The following POU2F3 variants were observed in gnomAD, a reference collection of about 807,000 sequenced individuals.
POU2F3 encodes the protein POU class 2 homeobox 3, also known as POU domain, class 2, transcription factor 3.
POU2F3 carries 23 observed loss-of-function variants against 59.2 expected under a neutral mutation model. The observed-to-expected ratio is 0.39, with a 90% CI of 0.28 to 0.55. POU2F3 has a LOEUF of 0.55. POU2F3 is among the 20% of genes least tolerant of loss of function. The probability of loss-of-function intolerance (pLI) is 0.66; values close to 1 mark genes in which losing one functional copy is unlikely to be tolerated. For missense variants in POU2F3, 473 were observed against 544.5 expected, an observed-to-expected ratio of 0.87 and a Z score of 1.31; for synonymous variants, 190 against 214.6, an observed-to-expected ratio of 0.89 and a Z score of 1.00.
chr11:120,241,778 A>C (rs894442556), intron 1 of POU2F3, among the ~76,000 whole-genome samples: 1 of 152,022 alleles, frequency 6.6e-6, no homozygotes, highest in Non-Finnish European at 1.5e-5. Context: ...CTCCTTGTCT[A>C]CTGGAGGCTC....
At position 120,306,185 on chromosome 11, in the gene POU2F3, G is replaced by T. The variant is rs187665254; in HGVS notation, c.769+400G>T. Among the ~76,000 whole-genome samples, 466 of 152,310 alleles carry T rather than the reference G, an allele frequency of 3.1e-3. 3 individuals carry two copies. Among genetic ancestry groups the T allele is most frequent in the African/African-American group, 9.5e-3 (396 of 41,548 alleles). ...TGGGGCCTCTAGGGTCTCACTGGGA[G>T]GGGGAGACCACAGGCACGACACAGG... On this transcript the variant is annotated intron_variant, in intron 8 of 12. Coordinates refer to ENST00000543440, the MANE Select transcript of POU2F3 (RefSeq NM_014352.4).
At chr11:120,259,100 TC>T (rs1939487303) in intron 2 of POU2F3, 1 of 152,350 alleles carries the variant, frequency 6.6e-6, no homozygotes, top group Non-Finnish European at 1.5e-5. Context: ...GGCCCTAGCC[TC>T]CTGGTATCTG....
At chr11:120,252,476 G>A (rs1367693336) in intron 2 of POU2F3, among the ~76,000 whole-genome samples, 1 of 152,146 alleles carries the variant, frequency 6.6e-6, no homozygotes, top group Non-Finnish European at 1.5e-5. Flanking sequence ...CCAAAGTGCT[G>A]GGATTACAGG....
intron 8 of POU2F3, among the ~76,000 whole-genome samples, chr11:120,306,754 A>G (rs1365392833): frequency 6.6e-6 from 1 of 152,144 alleles, no homozygotes; most frequent in African/African-American, 2.4e-5. Flanking sequence ...CAGGGCTGTT[A>G]CTCATACGGA....
At chr11:120,274,578 G>A (rs1284941465) in intron 3 of POU2F3, among the ~76,000 whole-genome samples, 4 of 152,278 alleles carry the variant, frequency 2.6e-5, no homozygotes, top group South Asian at 2.1e-4. Context: ...GACAGGAGGT[G>A]GAACAAACTT....
At position 120,243,164 on chromosome 11, in the gene POU2F3, T is replaced by C. The variant is rs550160435; in HGVS notation, c.28+2793T>C. On this transcript the variant is annotated intron_variant, in intron 1 of 12. Coordinates refer to ENST00000543440, the MANE Select transcript of POU2F3 (RefSeq NM_014352.4). ...TCTGGCGGAGAGTTGGAGCCTTGGC[T>C]AGCTCAGAAGTGGGGCCGGTGGGTC... Among the ~76,000 whole-genome samples, 69 of 152,286 alleles carry C rather than the reference T, an allele frequency of 4.5e-4. 1 individual carries two copies. In the South Asian group the frequency reaches 0.013, roughly 29 times the overall value.
chr11:120,302,428 C>T, intron 6 of POU2F3, 60 bp downstream of exon 6: 2 of 1,490,604 alleles, frequency 1.3e-6, no homozygotes, highest in Non-Finnish European at 1.9e-6. Flanking sequence ...CTGAGTTTAA[C>T]TCACTGGTTT....
chr11:120,315,029 C>T (rs1255549359), intron 10 of POU2F3, among the ~76,000 whole-genome samples: 1 of 152,236 alleles, frequency 6.6e-6, no homozygotes, highest in Non-Finnish European at 1.5e-5. Flanking sequence ...GCCCAAGAGG[C>T]TTGTCTTGCT....
At chr11:120,248,332 G>C (rs1938953181) in intron 2 of POU2F3, among the ~76,000 whole-genome samples, 1 of 152,164 alleles carries the variant, frequency 6.6e-6, no homozygotes, top group Admixed American at 6.5e-5. Flanking sequence ...CTGCTTACTG[G>C]CTGCATGACC....
chr11:120,300,766 A>G (rs958958697), intron 5 of POU2F3: 45 of 150,182 alleles, frequency 3.0e-4, no homozygotes, highest in African/African-American at 1.2e-3. Context: ...TCTGTCTCTG[A>G]AAAAAAAAAA....
chr11:120,246,412 T>C, intron 1 of POU2F3, 37 bp from the exon 2 acceptor site: 8 of 1,607,832 alleles, frequency 5.0e-6, no homozygotes, highest in Non-Finnish European at 6.8e-6. Flanking sequence ...AGAAAAATTG[T>C]GACCTGTTAT....
At chr11:120,243,538 G>A (rs1938755926) in intron 1 of POU2F3, among the ~76,000 whole-genome samples, 1 of 152,190 alleles carries the variant, frequency 6.6e-6, no homozygotes, top group East Asian at 1.9e-4. Flanking sequence ...CCCCAGGGAA[G>A]GGAGTGATGG....
chr11:120,305,503 G>A lies in POU2F3; in HGVS notation c.628-141G>A, dbSNP rs940259797. 3.9e-6 allele frequency: 5 copies of A among 1,289,476 alleles called. No individual in the cohort carries two copies. The African/African-American group carries it at 5.9e-5, about 15-fold the overall frequency. 79.9% of individuals were successfully genotyped at this position (1,289,476 alleles called of 1,614,324 possible). On this transcript the variant is annotated intron_variant, in intron 7 of 12. Coordinates refer to ENST00000543440, the MANE Select transcript of POU2F3 (RefSeq NM_014352.4). Reference sequence around the variant, plus strand: ...CCGATTCTTCACCTTAGAGGGAGGAGACTTGGAAAGGAGCCGAGCATGGGT... The same window carrying A: ...CCGATTCTTCACCTTAGAGGGAGGAAACTTGGAAAGGAGCCGAGCATGGGT...
Position 120,316,511 on chromosome 11 carries a change from G to A in POU2F3, c.1136-718G>A, listed in dbSNP as rs12226688. Among the ~76,000 whole-genome samples the A allele has an allele frequency of 0.016, 2,454 of 152,214 alleles. 256 individuals carry two copies. In the East Asian group the frequency reaches 0.24, roughly 15 times the overall value. On this transcript the variant is annotated intron_variant, in intron 11 of 12. Coordinates refer to ENST00000543440, the MANE Select transcript of POU2F3 (RefSeq NM_014352.4). ...CACAATCATGGCTAACTGCAGCCTC[G>A]ACCTCCCAGGCTCAAGTGATCCTCC... is the stretch of plus-strand genomic sequence containing the variant.
At chr11:120,256,775 A>G (rs1350244786) in intron 2 of POU2F3, 1 of 152,256 alleles carries the variant, frequency 6.6e-6, no homozygotes, top group East Asian at 1.9e-4. Flanking sequence ...GTGCAGATTC[A>G]CGGAGACTAG....
intron 8 of POU2F3, among the ~76,000 whole-genome samples, chr11:120,306,874 C>A (rs925020597): frequency 3.3e-5 from 5 of 152,126 alleles, no homozygotes; most frequent in Non-Finnish European, 5.9e-5. Context: ...CGAAGGTCTT[C>A]GAATCTCTGG....
intron 3 of POU2F3, among the ~76,000 whole-genome samples, chr11:120,276,281 A>G (rs1940320415): frequency 6.6e-6 from 1 of 152,232 alleles, no homozygotes. Flanking sequence ...ACAGAAGAGT[A>G]CATCATGGTC....
intron 8 of POU2F3, 35 bp downstream of exon 8, chr11:120,305,820 G>A (rs1310189859): frequency 5.6e-6 from 9 of 1,610,564 alleles, no homozygotes; most frequent in Non-Finnish European, 7.6e-6. Context: ...AGGGGCCCTA[G>A]AGGGCTCTGC....
At chr11:120,315,498 G>T (rs2135140208) in intron 11 of POU2F3, 71 bp downstream of exon 11, 1 of 1,427,904 alleles carries the variant, frequency 7.0e-7, no homozygotes, top group South Asian at 1.2e-5. Context: ...GAACTGAAAG[G>T]TATCTACCTA....
Sources: gnomAD v4.1 joint callset for allele counts (sites outside exome capture counted in the v4.1 genomes callset) on GRCh38, gnomAD v4.1.1 for gene constraint, MANE v1.5 for transcripts, NCBI Gene and HGNC (gene_info 2026-07-23, HGNC 2026-07-21) for gene names.